CPA6: variants seen among roughly 807,000 people sequenced by gnomAD.
CPA6 encodes the protein carboxypeptidase A6, also known as carboxypeptidase B.
A neutral mutation model predicts 63.3 loss-of-function variants in CPA6; 58 were observed. The ratio of observed to expected loss-of-function variants is 0.92; its 90% CI spans 0.74 to 1.14. The LOEUF is 1.14. Ranked by LOEUF, CPA6 falls within the 50% of genes most tolerant of loss-of-function variation. The pLI is 0.00. For missense variants in CPA6, 565 were observed against 526.6 expected, an observed-to-expected ratio of 1.07 and a Z score of -0.71; for synonymous variants, 185 against 179.0, an observed-to-expected ratio of 1.03 and a Z score of -0.27.
rs1320903847 is a variant in CPA6, at chr8:67,428,131, C to T, written c.1042G>A (p.Glu348Lys). 1.9e-6 allele frequency: 3 copies of T among 1,603,356 alleles called. No homozygotes were observed. In the Admixed American group the frequency reaches 5.0e-5, roughly 27 times the overall value. Residue 348 changes from glutamate (E) to lysine (K), a missense_variant and splice_region_variant, in exon 10 of 11, where the codon GAA becomes AAA. Physicochemically the swap from Glu to Lys is moderately conservative, Grantham distance 56. Coordinates refer to ENST00000297770, the MANE Select transcript of CPA6 (RefSeq NM_020361.5). ...YATIPNFRCV[E>K]SAAYKAVNAL... is the part of the protein sequence containing the mutation. ...TTCACAGCTTTATAAGCTGCAGATT[C>T]CTATGAGGGAAAATGGGGAAATTTT... is the stretch of plus-strand genomic sequence containing the variant.
intron 1 of CPA6, among the ~76,000 whole-genome samples, chr8:67,730,353 A>T (rs915165717): frequency 2.0e-5 from 3 of 152,248 alleles, no homozygotes; most frequent in African/African-American, 7.2e-5. Context: ...AGGGCAAGGT[A>T]TGTAGGAGGG....
At chr8:67,447,635 A>G (rs552255490) in intron 8 of CPA6, among the ~76,000 whole-genome samples, 1 of 152,128 alleles carries the variant, frequency 6.6e-6, no homozygotes, top group Non-Finnish European at 1.5e-5. Context: ...ATTTTTTGCC[A>G]GATTGCTTGC....
chr8:67,700,926 C>T (rs900134777), intron 1 of CPA6, among the ~76,000 whole-genome samples: 1 of 151,800 alleles, frequency 6.6e-6, no homozygotes, highest in African/African-American at 2.4e-5. Context: ...CTTCTTTATG[C>T]CAGAAACACA....
chr8:67,741,382 C>G (rs1207071321), intron 1 of CPA6, among the ~76,000 whole-genome samples: 2 of 152,196 alleles, frequency 1.3e-5, no homozygotes, highest in African/African-American at 4.8e-5. Flanking sequence ...CTTCTTGGTT[C>G]ATTGAGCTCT....
chr8:67,580,238 T>C (rs1813733912), intron 2 of CPA6, among the ~76,000 whole-genome samples: 1 of 152,234 alleles, frequency 6.6e-6, no homozygotes, highest in Non-Finnish European at 1.5e-5. Context: ...TAGAGCCTAC[T>C]GGCAGCTGTT....
chr8:67,729,913 A>G (rs916394257), intron 1 of CPA6, among the ~76,000 whole-genome samples: 1 of 152,250 alleles, frequency 6.6e-6, no homozygotes, highest in African/African-American at 2.4e-5. Context: ...TACGGGCCCC[A>G]ATTTGGCCAT....
intron 10 of CPA6, 46 bp downstream of exon 10, chr8:67,428,001 T>G (rs1809931371): frequency 7.9e-7 from 1 of 1,261,402 alleles, no homozygotes; most frequent in Non-Finnish European, 1.1e-6. Flanking sequence ...TACAGGATAT[T>G]GGTTCAAGAG....
At chr8:67,552,544 C>G (rs146772107) in intron 2 of CPA6, among the ~76,000 whole-genome samples, 1 of 151,862 alleles carries the variant, frequency 6.6e-6, no homozygotes, top group East Asian at 1.9e-4. Flanking sequence ...GAGGCCAAGG[C>G]GGGCGGATCA....
chr8:67,422,662 C>T lies in CPA6; in HGVS notation c.1156G>A (p.Ala386Thr). 2 of 1,613,502 alleles carry T rather than the reference C, an allele frequency of 1.2e-6. No individual in the cohort carries two copies. Among genetic ancestry groups the T allele is most frequent in the South Asian group, 1.1e-5 (1 of 91,030 alleles). ...GCATAAGGTATTCCATTTTTGTAGG[C>T]CCAATCCATTGAGCTACCAGAGCTC... The part of the protein sequence containing the change: ...YVSSGSSMDW[A>T]YKNGIPYAFA... Residue 386 changes from alanine to threonine, a missense_variant, in exon 11 of 11, where the codon GCC becomes ACC. Transcript: ENST00000297770.
chr8:67,437,517 T>C (rs531405110), intron 8 of CPA6, among the ~76,000 whole-genome samples: 1 of 152,210 alleles, frequency 6.6e-6, no homozygotes, highest in South Asian at 2.1e-4. Context: ...GATCACAAAC[T>C]AAACAACTAA....
chr8:67,641,801 T>C (rs527748702), intron 1 of CPA6, among the ~76,000 whole-genome samples: 1 of 152,042 alleles, frequency 6.6e-6, no homozygotes, highest in Non-Finnish European at 1.5e-5. Context: ...GATGATACAA[T>C]TAACCACATA....
At chr8:67,577,106 C>T (rs771015707) in intron 2 of CPA6, among the ~76,000 whole-genome samples, 4 of 152,088 alleles carry the variant, frequency 2.6e-5, no homozygotes, top group African/African-American at 4.8e-5. Flanking sequence ...CCTCCTGCCT[C>T]GGCCTCCCAA....
intron 2 of CPA6, among the ~76,000 whole-genome samples, chr8:67,600,123 T>TATA (rs1163025948): frequency 6.6e-6 from 1 of 151,994 alleles, no homozygotes; most frequent in Non-Finnish European, 1.5e-5. Context: ...TTATTATTAT[T>TATA]ATACTTTAAG....
chr8:67,570,586 T>C (rs1025292089), intron 2 of CPA6, among the ~76,000 whole-genome samples: 2 of 152,220 alleles, frequency 1.3e-5, no homozygotes, highest in Non-Finnish European at 2.9e-5. Flanking sequence ...AGTAAAAGTT[T>C]AGAGTTGTAC....
At chr8:67,488,933 A>T (rs1489993084) in intron 6 of CPA6, among the ~76,000 whole-genome samples, 1 of 152,196 alleles carries the variant, frequency 6.6e-6, no homozygotes, top group Non-Finnish European at 1.5e-5. Flanking sequence ...ATTGCTTATC[A>T]GCTTAAGGAG....
intron 6 of CPA6, among the ~76,000 whole-genome samples, chr8:67,497,799 C>T (rs140488211): frequency 0.011 from 1,668 of 151,982 alleles, 38 homozygotes; most frequent in African/African-American, 0.037. Context: ...TCAAGCAATG[C>T]TCCTGCCTCA....
At chr8:67,609,456 A>G (rs1223318559) in intron 2 of CPA6, among the ~76,000 whole-genome samples, 1 of 152,208 alleles carries the variant, frequency 6.6e-6, no homozygotes, top group African/African-American at 2.4e-5. Flanking sequence ...AAGTTATTAA[A>G]TAATAAATTA....
At chr8:67,684,760 C>CCTTGCT (rs1816676056) in intron 1 of CPA6, among the ~76,000 whole-genome samples, 1 of 152,124 alleles carries the variant, frequency 6.6e-6, no homozygotes, top group Non-Finnish European at 1.5e-5. Flanking sequence ...CTTGTAAAAT[C>CCTTGCT]CAGCGTTAGC....
chr8:67,560,685 C>A (rs1315104640), intron 2 of CPA6, among the ~76,000 whole-genome samples: 1 of 152,018 alleles, frequency 6.6e-6, no homozygotes, highest in Non-Finnish European at 1.5e-5. Flanking sequence ...ACTGTTCCTG[C>A]CTTTTAAACT....
Sources: allele counts gnomAD v4.1 joint callset (sites outside exome capture counted in the v4.1 genomes callset), GRCh38; gene constraint gnomAD v4.1.1; transcripts MANE v1.5; gene names NCBI Gene and HGNC (gene_info 2026-07-23, HGNC 2026-07-21).